The following THSD7B variants were observed in gnomAD, a reference collection of about 807,000 sequenced individuals.
THSD7B encodes thrombospondin type 1 domain containing 7B.
In THSD7B, 138 loss-of-function variants were observed where a neutral mutation model predicts 213.6. The ratio of observed to expected loss-of-function variants is 0.65; its 90% CI spans 0.56 to 0.74. The LOEUF is 0.74. Ranked by LOEUF, THSD7B falls within the 30% of genes least tolerant of loss-of-function variation. The pLI is 0.00. For synonymous variants in THSD7B, 742 were observed against 687.0 expected (o/e 1.08, Z -1.25); for missense variants, 1,931 against 1,991.5 (o/e 0.97, Z 0.58).
At chr2:136,995,468 C>G (rs1405146299) in intron 2 of THSD7B, among the ~76,000 whole-genome samples, 1 of 152,132 alleles carries the variant, frequency 6.6e-6, no homozygotes, top group East Asian at 1.9e-4. Context: ...CTTAATTTTC[C>G]CAAAATGTCC....
chr2:136,952,102 C>A, intron 2 of THSD7B, among the ~76,000 whole-genome samples: 1 of 152,126 alleles, frequency 6.6e-6, no homozygotes. Flanking sequence ...CTCCTGTCCT[C>A]ATGATCTGTC....
intron 5 of THSD7B, among the ~76,000 whole-genome samples, chr2:137,126,644 G>A (rs1170660875): frequency 6.6e-6 from 1 of 152,150 alleles, no homozygotes; most frequent in African/African-American, 2.4e-5. Context: ...TGTGTTTACT[G>A]CAATAACACT....
At chr2:137,363,595 G>A (rs1685326587) in intron 12 of THSD7B, among the ~76,000 whole-genome samples, 1 of 152,166 alleles carries the variant, frequency 6.6e-6, no homozygotes, top group Non-Finnish European at 1.5e-5. Flanking sequence ...TACCATCAGA[G>A]AATACTATAA....
intron 2 of THSD7B, among the ~76,000 whole-genome samples, chr2:136,897,541 C>T (rs1683981396): frequency 1.3e-5 from 2 of 152,086 alleles, no homozygotes; most frequent in Admixed American, 6.5e-5. Context: ...AGTGTGGACC[C>T]AAAGAGTGAG....
At chr2:137,269,745 T>C (rs1321442844) in intron 10 of THSD7B, among the ~76,000 whole-genome samples, 1 of 152,246 alleles carries the variant, frequency 6.6e-6, no homozygotes, top group Non-Finnish European at 1.5e-5. Context: ...TAGCTTTTTG[T>C]ATTATTATGA....
chr2:136,783,904 C>T (rs1322100128), intron 1 of THSD7B, among the ~76,000 whole-genome samples: 3 of 152,174 alleles, frequency 2.0e-5, no homozygotes, highest in Admixed American at 6.5e-5. Context: ...TCATCAATTT[C>T]GTAAGAGAAA....
intron 2 of THSD7B, among the ~76,000 whole-genome samples, chr2:136,909,039 C>A (rs1470208848): frequency 1.3e-5 from 2 of 152,014 alleles, no homozygotes; most frequent in Non-Finnish European, 2.9e-5. Context: ...AAAAGTTAGT[C>A]AGGCATGATG....
intron 15 of THSD7B, among the ~76,000 whole-genome samples, chr2:137,473,711 A>G (rs1017880970): frequency 6.6e-6 from 1 of 152,214 alleles, no homozygotes; most frequent in African/African-American, 2.4e-5. Flanking sequence ...GCTTTTAAGT[A>G]CCAGCAGTTT....
intron 7 of THSD7B, among the ~76,000 whole-genome samples, chr2:137,186,090 T>G: frequency 6.6e-6 from 1 of 152,182 alleles, no homozygotes; most frequent in East Asian, 1.9e-4. Flanking sequence ...TATTTTGTTT[T>G]TGCTTGTTGA....
chr2:136,982,179 G>A (rs1685586999), intron 2 of THSD7B, among the ~76,000 whole-genome samples: 2 of 152,084 alleles, frequency 1.3e-5, no homozygotes, highest in South Asian at 4.1e-4. Flanking sequence ...GGGATTATAG[G>A]TGTGAGACAC....
chr2:137,433,978 A>G (rs1687240227), intron 14 of THSD7B, among the ~76,000 whole-genome samples: 1 of 152,180 alleles, frequency 6.6e-6, no homozygotes, highest in South Asian at 2.1e-4. Flanking sequence ...AAGGGCTCTA[A>G]GTCTTGACTC....
At chr2:137,437,234 C>T (rs936751539) in intron 14 of THSD7B, among the ~76,000 whole-genome samples, 1 of 152,098 alleles carries the variant, frequency 6.6e-6, no homozygotes, top group Non-Finnish European at 1.5e-5. Context: ...GCCTTGGCAG[C>T]CCAAGCTCTG....
chr2:137,070,990 CTT>C (rs925534137), intron 3 of THSD7B, among the ~76,000 whole-genome samples: 8 of 152,224 alleles, frequency 5.3e-5, no homozygotes, highest in African/African-American at 1.9e-4. Flanking sequence ...AGCTCCAAGT[CTT>C]TGTTATTGTG....
intron 14 of THSD7B, among the ~76,000 whole-genome samples, chr2:137,425,651 C>T (rs1467120480): frequency 2.0e-5 from 3 of 152,010 alleles, no homozygotes; most frequent in Non-Finnish European, 4.4e-5. Context: ...TGTAGAATAC[C>T]CTGTGGATTC....
At chr2:137,468,619 T>G (rs1688036629) in intron 15 of THSD7B, among the ~76,000 whole-genome samples, 1 of 11,572 alleles carries the variant, frequency 8.6e-5, no homozygotes, top group Admixed American at 6.9e-4. Flanking sequence ...GATTTGTGTG[T>G]GTGGAGGGGT....
At position 137,676,674 on chromosome 2, in the gene THSD7B, T is replaced by G; in HGVS notation, c.*69T>G. 1 of 1,387,194 alleles carries G rather than the reference T, an allele frequency of 7.2e-7. No homozygotes were observed. The highest frequency in any genetic ancestry group is 9.7e-7 in the Non-Finnish European group (1 of 1,035,760). 85.9% of individuals were successfully genotyped at this position (1,387,194 alleles called of 1,614,324 possible). On this transcript the variant is annotated 3_prime_UTR_variant, in exon 28 of 28. Transcript: ENST00000409968. ...CTTTCTCTTTTGTAGCTCTCAGACT[T>G]CTCAGTTTTTTGAGGAATCTCAAGA...
intron 2 of THSD7B, among the ~76,000 whole-genome samples, chr2:137,042,803 G>A (rs943913348): frequency 3.7e-4 from 57 of 152,148 alleles, no homozygotes; most frequent in Admixed American, 2.8e-3. Context: ...TGATTAATGA[G>A]CCCTTATAAT....
chr2:137,051,420 A>G (rs145721468), intron 2 of THSD7B, among the ~76,000 whole-genome samples: 18 of 152,336 alleles, frequency 1.2e-4, no homozygotes, highest in African/African-American at 3.8e-4. Flanking sequence ...TGTCTGCTAT[A>G]TAAGAGAGGT....
intron 1 of THSD7B, among the ~76,000 whole-genome samples, chr2:136,865,789 T>C (rs10496760): frequency 0.067 from 10,259 of 152,270 alleles, 397 homozygotes; most frequent in East Asian, 0.15. Flanking sequence ...TTCTCATAAG[T>C]TCATTGATCC....
Sources: allele counts gnomAD v4.1 joint callset (sites outside exome capture counted in the v4.1 genomes callset), GRCh38; gene constraint gnomAD v4.1.1; transcripts MANE v1.5; gene names NCBI Gene and HGNC (gene_info 2026-07-23, HGNC 2026-07-21).